NEK1: variants seen among roughly 807,000 people sequenced by gnomAD.
NEK1 encodes the protein serine/threonine-protein kinase Nek1.
In NEK1, 137 loss-of-function variants were observed where a neutral mutation model predicts 182.1. The ratio of observed to expected loss-of-function variants is 0.75; its 90% confidence interval spans 0.65 to 0.87. The LOEUF is 0.87. NEK1 is among the 40% of genes least tolerant of loss of function. The pLI is 0.00. For missense variants in NEK1, 1,391 were observed against 1,494.4 expected (o/e 0.93, Z 1.14); for synonymous variants, 513 against 492.2 (o/e 1.04, Z -0.56).
intron 12 of NEK1, among the ~76,000 whole-genome samples, chr4:169,572,241 TATG>T (rs1414982958): frequency 6.6e-6 from 1 of 152,104 alleles, no homozygotes; most frequent in Admixed American, 6.6e-5. Context: ...CTAGGACTAA[TATG>T]GTGGTAAAAA....
intron 31 of NEK1, 39 bp downstream of exon 31, chr4:169,424,514 T>A (rs753164410): frequency 1.3e-6 from 2 of 1,520,984 alleles, no homozygotes; most frequent in South Asian, 2.7e-5. Flanking sequence ...ATACATGTTA[T>A]CGAATGGATA....
intron 27 of NEK1, among the ~76,000 whole-genome samples, chr4:169,448,384 T>A (rs920569388): frequency 6.6e-6 from 1 of 152,142 alleles, no homozygotes; most frequent in Non-Finnish European, 1.5e-5. Flanking sequence ...CAGTTTAAAA[T>A]AGTGGGTTAT....
chr4:169,552,147 G>A (rs893299666), intron 18 of NEK1, among the ~76,000 whole-genome samples: 2 of 151,998 alleles, frequency 1.3e-5, no homozygotes, highest in African/African-American at 4.8e-5. Flanking sequence ...CTAAGACAAT[G>A]AGTATTATTA....
intron 29 of NEK1, among the ~76,000 whole-genome samples, chr4:169,431,531 G>GAATAC (rs1737436094): frequency 6.6e-6 from 1 of 151,316 alleles, no homozygotes. Context: ...CAGACTAATA[G>GAATAC]GAAAAAATGT....
Position 169,612,057 on chromosome 4 carries a change from G to A in NEK1, c.-86C>T, listed in dbSNP as rs1772407521. The A allele has an allele frequency of 6.6e-6, 1 of 152,232 alleles. No individual in the cohort carries two copies. Among genetic ancestry groups the A allele is most frequent in the Non-Finnish European group, 1.5e-5 (1 of 68,050 alleles). 9.4% of individuals were successfully genotyped at this position (152,232 alleles called of 1,614,324 possible). ...GGACGTTAGTAGGAATAACGGTGATGACTAATAAGCATCAGTCTAGGTGTG... is the reference window on the plus strand; with the variant it reads ...GGACGTTAGTAGGAATAACGGTGATAACTAATAAGCATCAGTCTAGGTGTG... On this transcript the variant is annotated 5_prime_UTR_variant, in exon 2 of 36. Transcript: ENST00000507142.
Position 169,587,561 on chromosome 4 carries a change from C to A in NEK1, c.604G>T (p.Ala202Ser), listed in dbSNP as rs780091818. The A allele has an allele frequency of 1.5e-5, 23 of 1,485,276 alleles. 1 individual carries two copies. The South Asian group carries it at 2.5e-4, about 16-fold the overall frequency. 92.0% of individuals were successfully genotyped at this position (1,485,276 alleles called of 1,614,324 possible). ...GTATTTCAGAAACTTCTACTTACAG[C>A]ATGTTTAAGTGTACACAGCTCATAA... Reference protein sequence around the residue: ...VLYELCTLKHAFEAGSMKNLV... With the variant: ...VLYELCTLKHSFEAGSMKNLV... Residue 202 changes from alanine (A) to serine (S), a missense_variant and splice_region_variant, in exon 9 of 36, where the codon GCT becomes TCT. By Grantham distance (99) the Ala-to-Ser change is moderately conservative. Transcript: ENST00000507142.
chr4:169,504,315 C>G (rs1193513599), intron 23 of NEK1, among the ~76,000 whole-genome samples: 1 of 152,146 alleles, frequency 6.6e-6, no homozygotes, highest in Non-Finnish European at 1.5e-5. Flanking sequence ...TTATGGAGAA[C>G]AGTTTGGAGG....
intron 19 of NEK1, among the ~76,000 whole-genome samples, chr4:169,510,075 G>A (rs1753934033): frequency 6.6e-6 from 1 of 151,942 alleles, no homozygotes. Flanking sequence ...TATTTATAAT[G>A]GCACTCTCTC....
chr4:169,485,518 C>G (rs935544046), intron 23 of NEK1, among the ~76,000 whole-genome samples: 1 of 152,090 alleles, frequency 6.6e-6, no homozygotes, highest in Non-Finnish European at 1.5e-5. Context: ...TAATGTACTT[C>G]TAATTATTGA....
At position 169,507,035 on chromosome 4, in the gene NEK1, A is replaced by T; in HGVS notation, c.2007+2T>A. On this transcript the variant is annotated splice_donor_variant, in intron 23 of 35. Coordinates refer to ENST00000507142, the MANE Select transcript of NEK1 (RefSeq NM_001199397.3). LOFTEE classifies it high-confidence loss of function. The stretch of plus-strand genomic sequence containing the variant: ...GGATTAAGAATATGAGCTAAATCTT[A>T]CATGCTCTTCCCACACTTTTTTTTC... 1.3e-6 allele frequency: 2 copies of T among 1,599,370 alleles called. No homozygotes were observed. Among genetic ancestry groups the T allele is most frequent in the Non-Finnish European group, 8.5e-7 (1 of 1,170,434 alleles).
intron 23 of NEK1, among the ~76,000 whole-genome samples, chr4:169,499,085 T>C (rs1008927784): frequency 6.6e-6 from 1 of 152,228 alleles, no homozygotes; most frequent in Non-Finnish European, 1.5e-5. Flanking sequence ...CCCATAATTC[T>C]TGGAGGCTTT....
intron 31 of NEK1, 78 bp from the exon 32 acceptor site, chr4:169,406,825 C>T (rs1322116137): frequency 1.3e-5 from 16 of 1,243,686 alleles, no homozygotes; most frequent in Non-Finnish European, 8.9e-6. Flanking sequence ...TAGAACTAAT[C>T]ACAATTTTGT....
chr4:169,489,619 T>C (rs1437801867), intron 23 of NEK1, among the ~76,000 whole-genome samples: 1 of 152,120 alleles, frequency 6.6e-6, no homozygotes, highest in East Asian at 1.9e-4. Context: ...GTCTGGTCCA[T>C]TGCTATGTCC....
chr4:169,584,622 T>TAA (rs1561461658), intron 10 of NEK1, among the ~76,000 whole-genome samples: 1 of 151,950 alleles, frequency 6.6e-6, no homozygotes, highest in Non-Finnish European at 1.5e-5. Flanking sequence ...AAAAATAATT[T>TAA]AAAAAAAATT....
chr4:169,481,830 T>C lies in NEK1; in HGVS notation c.2008-2296A>G, dbSNP rs542522198. Among the ~76,000 whole-genome samples, 3 of 152,356 alleles carry C rather than the reference T, an allele frequency of 2.0e-5. No individual in the cohort carries two copies. In the South Asian group the frequency reaches 6.2e-4, roughly 32 times the overall value. On this transcript the variant is annotated intron_variant, in intron 23 of 35. Coordinates refer to ENST00000507142, the MANE Select transcript of NEK1 (RefSeq NM_001199397.3). ...CCCAACAAGAGAGTCAGCCAGTCTT[T>C]TGAAGCTTTGAAGCCAGCTATTGAC... is the stretch of plus-strand genomic sequence containing the variant.
At chr4:169,560,605 A>G (rs10016583) in intron 16 of NEK1, among the ~76,000 whole-genome samples, 152,164 of 152,170 alleles carry the variant, frequency 1, 76,079 homozygotes, top group Non-Finnish European at 1. Flanking sequence ...TGTATACCGC[A>G]GTTGAGAATC....
intron 29 of NEK1, among the ~76,000 whole-genome samples, chr4:169,429,073 C>T (rs1335111811): frequency 2.0e-5 from 1 of 51,102 alleles, no homozygotes; most frequent in East Asian, 5.9e-4. Flanking sequence ...ATACTGTATT[C>T]GTGGGATGCA....
At chr4:169,440,952 G>C (rs557381049) in intron 27 of NEK1, among the ~76,000 whole-genome samples, 28 of 152,174 alleles carry the variant, frequency 1.8e-4, no homozygotes, top group Non-Finnish European at 3.5e-4. Context: ...ACCTGCCCCA[G>C]GGCTCAACAG....
At chr4:169,496,287 C>CT (rs1258207330) in intron 23 of NEK1, among the ~76,000 whole-genome samples, 16 of 151,862 alleles carry the variant, frequency 1.1e-4, no homozygotes, top group African/African-American at 3.4e-4. Flanking sequence ...TGCCTATCAG[C>CT]TTAAGGAGAT....
Sources: allele counts gnomAD v4.1 joint callset (sites outside exome capture counted in the v4.1 genomes callset), GRCh38; gene constraint gnomAD v4.1.1; transcripts MANE v1.5; gene names NCBI Gene and HGNC (gene_info 2026-07-23, HGNC 2026-07-21).